CELF5: variants seen among roughly 807,000 people sequenced by gnomAD.
CELF5 encodes the protein CUG-BP and ETR-3 like factor 5.
CELF5 carries 6 observed loss-of-function variants against 54.9 expected under a neutral mutation model. That is an observed-to-expected ratio of 0.11 (90% CI 0.06 to 0.22). The LOEUF is 0.22. Among genes scored for constraint, CELF5 ranks in the 10% least tolerant of loss-of-function variants. The probability of loss-of-function intolerance (pLI) is 1.00; values close to 1 mark genes in which losing one functional copy is unlikely to be tolerated. For missense variants in CELF5, 401 were observed against 678.6 expected (o/e 0.59, Z 4.54); for synonymous variants, 271 against 290.9 (o/e 0.93, Z 0.70).
intron 3 of CELF5, among the ~76,000 whole-genome samples, chr19:3,274,348 CTG>C (rs1287994192): frequency 2.0e-5 from 3 of 152,194 alleles, no homozygotes; most frequent in Non-Finnish European, 4.4e-5. Context: ...GTGTATATGA[CTG>C]TGCACACCTG....
intron 9 of CELF5, 114 bp downstream of exon 9, chr19:3,285,078 C>T (rs2080216828): frequency 3.8e-6 from 3 of 795,178 alleles, no homozygotes; most frequent in South Asian, 1.7e-5. Context: ...GCGCCTCCTA[C>T]CTCTGGCCCC....
intron 11 of CELF5, among the ~76,000 whole-genome samples, chr19:3,291,319 C>A (rs55705617): frequency 0.55 from 83,099 of 151,358 alleles, 24,075 homozygotes; most frequent in Middle Eastern, 0.7. Flanking sequence ...TAGTCCCAGA[C>A]CTTTGGGAGG....
chr19:3,250,882 T>TTCA, intron 1 of CELF5, 103 bp from the exon 2 acceptor site: 1 of 614,998 alleles, frequency 1.6e-6, no homozygotes, highest in Non-Finnish European at 2.9e-6. Flanking sequence ...CATCTGTGGA[T>TTCA]GGAAGCTTGG....
At chr19:3,254,682 C>A (rs2079697056) in intron 2 of CELF5, among the ~76,000 whole-genome samples, 1 of 151,706 alleles carries the variant, frequency 6.6e-6, no homozygotes, top group Non-Finnish European at 1.5e-5. Flanking sequence ...CATCCAGCCA[C>A]ACACCCATCC....
chr19:3,286,954 G>T (rs2080259876), intron 10 of CELF5, among the ~76,000 whole-genome samples: 1 of 148,230 alleles, frequency 6.7e-6, no homozygotes. Context: ...AGAATGGCAT[G>T]AACCCAGGAG....
chr19:3,277,299 C>G lies in CELF5; in HGVS notation c.524-732C>G, dbSNP rs143923328. On this transcript the variant is annotated intron_variant, in intron 4 of 12. Coordinates refer to ENST00000292672, the MANE Select transcript of CELF5 (RefSeq NM_021938.4). ...GACCAGCCTGGCCAAGATGGTGAAA[C>G]CCGTCTCTACAAAAAATACAAAAAT... Among the ~76,000 whole-genome samples, 526 of 151,976 alleles carry G rather than the reference C, an allele frequency of 3.5e-3. 3 individuals are homozygous for G. The highest frequency in any genetic ancestry group is 0.012 in the African/African-American group (511 of 41,404).
intron 1 of CELF5, chr19:3,225,461 C>CT: frequency 1.8e-5 from 6 of 342,094 alleles, no homozygotes; most frequent in Middle Eastern, 1.6e-3. Context: ...GCCGGCACCC[C>CT]TCCCTGCCCC....
intron 1 of CELF5, among the ~76,000 whole-genome samples, chr19:3,234,258 T>C (rs921037980): frequency 6.6e-6 from 1 of 152,028 alleles, no homozygotes; most frequent in African/African-American, 2.4e-5. Flanking sequence ...TCTCTCTCTC[T>C]CTCTCTCTCC....
intron 1 of CELF5, among the ~76,000 whole-genome samples, chr19:3,245,246 G>A (rs920548260): frequency 6.7e-6 from 1 of 148,422 alleles, no homozygotes; most frequent in Non-Finnish European, 1.5e-5. Flanking sequence ...GCATCTGTGC[G>A]TGTGTATGTG....
At chr19:3,273,784 G>C (rs1246225886) in intron 2 of CELF5, 88 bp from the exon 3 acceptor site, 1 of 945,614 alleles carries the variant, frequency 1.1e-6, no homozygotes, top group Non-Finnish European at 1.7e-6. Context: ...GAGGTGGGCA[G>C]GGCTGGCCTG....
intron 4 of CELF5, among the ~76,000 whole-genome samples, chr19:3,276,229 C>T (rs973187552): frequency 5.5e-5 from 5 of 90,452 alleles, no homozygotes; most frequent in African/African-American, 1.8e-4. Context: ...TGGGGAGGAG[C>T]TGCCTCTGAG....
At chr19:3,251,953 G>A (rs1006696583) in intron 2 of CELF5, among the ~76,000 whole-genome samples, 2 of 152,028 alleles carry the variant, frequency 1.3e-5, no homozygotes, top group Admixed American at 1.3e-4. Context: ...GGGATTATAG[G>A]TGCGAGCCAC....
chr19:3,235,042 C>T (rs1003723625), intron 1 of CELF5, among the ~76,000 whole-genome samples: 2 of 152,152 alleles, frequency 1.3e-5, no homozygotes, highest in East Asian at 3.9e-4. Context: ...GCCTCATCCC[C>T]TTCATACCAT....
At chr19:3,269,567 C>T (rs1190417175) in intron 2 of CELF5, among the ~76,000 whole-genome samples, 2 of 152,194 alleles carry the variant, frequency 1.3e-5, no homozygotes, top group Admixed American at 6.5e-5. Context: ...AGACACTCCT[C>T]CTGCAGTCGT....
chr19:3,282,432 G>A lies in CELF5; in HGVS notation c.973G>A (p.Val325Met), dbSNP rs141353228. Residue 325 changes from valine to methionine, a missense_variant, in exon 8 of 13, where the codon GTG (valine) becomes ATG (methionine). Around this residue, in one of 6 missense-constraint regions of CELF5, gnomAD observed 143 missense variants for 147.6 expected, o/e 0.97. Coordinates refer to ENST00000292672, the MANE Select transcript of CELF5 (RefSeq NM_021938.4). The surrounding 1 kb of genome is among the most constrained non-coding windows in gnomAD (Gnocchi z 5.2). ...CATCACCAATGGCTTTGCAGGTGTC[G>A]TGCCCTTTCCAGGTGGGCACCCTGC... Reference protein sequence around the residue: ...APITNGFAGVVPFPGGHPALE... With the variant: ...APITNGFAGVMPFPGGHPALE... 2.1e-5 allele frequency: 34 copies of A among 1,613,352 alleles called. No individual in the cohort carries two copies. Among genetic ancestry groups the A allele is most frequent in the Middle Eastern group, 1.6e-4 (1 of 6,080 alleles).
chr19:3,248,496 C>T (rs898886992), intron 1 of CELF5, among the ~76,000 whole-genome samples: 5 of 152,080 alleles, frequency 3.3e-5, no homozygotes, highest in African/African-American at 1.2e-4. Context: ...CTTATTTCAC[C>T]GAGCATGGTG....
intron 2 of CELF5, among the ~76,000 whole-genome samples, chr19:3,251,616 T>A (rs914739641): frequency 1.2e-4 from 18 of 150,484 alleles, no homozygotes; most frequent in Admixed American, 2.0e-4. Flanking sequence ...GTCTTTATGG[T>A]GCAAACGGAG....
chr19:3,261,662 A>G (rs1393996025), intron 2 of CELF5, among the ~76,000 whole-genome samples: 2 of 151,514 alleles, frequency 1.3e-5, no homozygotes, highest in Non-Finnish European at 2.9e-5. Flanking sequence ...TCTACAAAAA[A>G]TTTTAAAAAC....
rs60732050 is a variant in CELF5, at chr19:3,228,915, T to TGTGTGTGC, written c.259+3917_259+3918insGTGTGTGC. The stretch of plus-strand genomic sequence containing the variant: ...GTGTGTGTGTGTGTGTGTGTGTGTG[T>TGTGTGTGC]ACGCGGGCGCGCGCCTGGGAAGGAC... On this transcript the variant is annotated intron_variant, in intron 1 of 12. Coordinates refer to ENST00000292672, the MANE Select transcript of CELF5 (RefSeq NM_021938.4). The surrounding 1 kb of genome is among the most constrained non-coding windows in gnomAD (Gnocchi z 6.0). Among the ~76,000 whole-genome samples the TGTGTGTGC allele has an allele frequency of 4.7e-3, 674 of 143,582 alleles. 18 individuals carry two copies. Among genetic ancestry groups the TGTGTGTGC allele is most frequent in the African/African-American group, 0.014 (556 of 38,358 alleles). 94.2% of individuals were successfully genotyped at this position (143,582 alleles called of 152,430 possible). A position where few individuals can be genotyped will look rare whatever the true frequency, so the allele number is the denominator to read the frequency against.
Sources: gnomAD v4.1 joint callset for allele counts (sites outside exome capture counted in the v4.1 genomes callset) on GRCh38, gnomAD v4.1.1 for gene constraint, gnomAD v4.1.1 regional missense constraint, Gnocchi (gnomAD v3.1) non-coding constraint, MANE v1.5 for transcripts, NCBI Gene and HGNC (gene_info 2026-07-23, HGNC 2026-07-21) for gene names.